The following ADGB variants were observed in gnomAD, a reference collection of about 807,000 sequenced individuals.
ADGB encodes the protein calpain-7-like protein.
In ADGB, 172 loss-of-function variants were observed where a neutral mutation model predicts 210.5. That is an observed-to-expected ratio of 0.82 (90% confidence interval 0.72 to 0.93). The LOEUF (loss-of-function observed/expected upper bound fraction) is 0.93. Ranked by LOEUF, ADGB falls within the 40% of genes least tolerant of loss-of-function variation. The pLI, the probability that ADGB is intolerant of heterozygous loss-of-function variation, is 0.00. For missense variants in ADGB, 2,025 were observed against 1,964.8 expected, an observed-to-expected ratio of 1.03 and a Z score of -0.58; for synonymous variants, 658 against 662.7, an observed-to-expected ratio of 0.99 and a Z score of 0.11.
In ADGB at chr6:146,801,894, G is replaced by C. The variant is rs777377861; in HGVS notation, c.4701G>C (p.Ala1567=). 3 of 1,550,772 alleles carry C rather than the reference G, an allele frequency of 1.9e-6. No individual in the cohort carries two copies. Among genetic ancestry groups the C allele is most frequent in the Non-Finnish European group, 2.6e-6 (3 of 1,146,646 alleles). ...ATCAGCAGCAGGCAATGCAAAAGGCGGAAGAAATTCATCAGTTTCGACAGC... is the reference window on the plus strand; with the variant it reads ...ATCAGCAGCAGGCAATGCAAAAGGCCGAAGAAATTCATCAGTTTCGACAGC... ...ELNQQQAMQK[A]EEIHQFRQHR... Residue 1567 remains alanine, a synonymous_variant, in exon 35 of 36, where the codon GCG becomes GCC. Coordinates refer to ENST00000397944, the MANE Select transcript of ADGB (RefSeq NM_024694.4).
rs139575236 is a variant in ADGB at position 146,773,256 on chromosome 6, TAGA to T, written c.3862+4133_3862+4135del. On this transcript the variant is annotated intron_variant, in intron 29 of 35. Coordinates refer to ENST00000397944, the MANE Select transcript of ADGB (RefSeq NM_024694.4). ...CTCTCTTCAAAAATACATAAATGCGTAGAAGAAGAAAAGGCATACATAGAGAAA... is the reference window on the plus strand; with the variant it reads ...CTCTCTTCAAAAATACATAAATGCGTAGAAGAAAAGGCATACATAGAGAAA... 6.0e-3 allele frequency among the ~76,000 whole-genome samples: 886 copies of T among 148,318 alleles called. 4 individuals carry two copies. Among genetic ancestry groups the T allele is most frequent in the African/African-American group, 0.018 (754 of 40,900 alleles).
In ADGB at chr6:146,801,932, T is replaced by G. The variant is rs756546761; in HGVS notation, c.4739T>G (p.Val1580Gly). Residue 1580 changes from valine (V) to glycine (G), a missense_variant, in exon 35 of 36, where the codon GTC becomes GGC. Coordinates refer to ENST00000397944, the MANE Select transcript of ADGB (RefSeq NM_024694.4). The stretch of plus-strand genomic sequence containing the variant: ...CAGTTTCGACAGCATAGGACCAGAG[T>G]CCTTAGCATTCGAAACATTGACCAA... Reference protein sequence around the residue: ...IHQFRQHRTRVLSIRNIDQEE... With the variant: ...IHQFRQHRTRGLSIRNIDQEE... 6.4e-7 allele frequency: 1 copy of G among 1,550,694 alleles called. No homozygotes were observed. Among genetic ancestry groups the G allele is most frequent in the South Asian group, 1.2e-5 (1 of 83,854 alleles).
At chr6:146,731,427 G>A (rs1167829921) in intron 20 of ADGB, among the ~76,000 whole-genome samples, 2 of 150,922 alleles carry the variant, frequency 1.3e-5, no homozygotes, top group South Asian at 2.1e-4. Flanking sequence ...TTCAACACCT[G>A]TCTCCTCTAC....
At chr6:146,680,587 C>T (rs1776144255) in intron 9 of ADGB, among the ~76,000 whole-genome samples, 1 of 152,096 alleles carries the variant, frequency 6.6e-6, no homozygotes, top group Admixed American at 6.6e-5. Flanking sequence ...AGATCTCCCT[C>T]ATACAGCAAA....
intron 27 of ADGB, among the ~76,000 whole-genome samples, chr6:146,760,020 T>C (rs1257104185): frequency 1.3e-5 from 2 of 151,866 alleles, no homozygotes; most frequent in African/African-American, 2.4e-5. Context: ...CTTTTACCTA[T>C]GTGTTTCTAA....
intron 35 of ADGB, among the ~76,000 whole-genome samples, chr6:146,804,193 A>G (rs1778176385): frequency 6.6e-6 from 1 of 152,176 alleles, no homozygotes; most frequent in Non-Finnish European, 1.5e-5. Context: ...AGAAAAGGGG[A>G]AATTCAATAA....
intron 29 of ADGB, among the ~76,000 whole-genome samples, chr6:146,777,861 T>G (rs1410983467): frequency 6.6e-6 from 1 of 152,192 alleles, no homozygotes; most frequent in Non-Finnish European, 1.5e-5. Context: ...ACTGCAGATT[T>G]CTGTGCCCCT....
At chr6:146,813,911 G>A (rs1240967762) in intron 35 of ADGB, among the ~76,000 whole-genome samples, 1 of 152,120 alleles carries the variant, frequency 6.6e-6, no homozygotes, top group Non-Finnish European at 1.5e-5. Context: ...TAAAAGAAAC[G>A]TGAACATTTT....
At chr6:146,599,971 C>T (rs1780528797) in intron 1 of ADGB, among the ~76,000 whole-genome samples, 1 of 152,146 alleles carries the variant, frequency 6.6e-6, no homozygotes, top group African/African-American at 2.4e-5. Flanking sequence ...TTCTTACATC[C>T]TTGATGCCTG....
At position 146,736,505 on chromosome 6, in the gene ADGB, A is replaced by G; in HGVS notation, c.2802A>G (p.Lys934=). 1 of 1,527,330 alleles carries G rather than the reference A, an allele frequency of 6.5e-7. No homozygotes were observed. Among genetic ancestry groups the G allele is most frequent in the Non-Finnish European group, 8.8e-7 (1 of 1,135,124 alleles). The allele number at this position is 1,527,330 out of a possible 1,614,324, so 94.6% of individuals were successfully genotyped here. A position where few individuals can be genotyped will look rare whatever the true frequency, so the allele number is the denominator to read the frequency against. The change falls in exon 23 of 36, where the codon AAA becomes AAG. Residue 934 remains lysine, a synonymous_variant. Coordinates refer to ENST00000397944, the MANE Select transcript of ADGB (RefSeq NM_024694.4). ...ATTTATTATTATTTTTAGACACAAAAGAAAATATCAGTGTTGCAGATACTC... is the reference window on the plus strand; with the variant it reads ...ATTTATTATTATTTTTAGACACAAAGGAAAATATCAGTGTTGCAGATACTC... The part of the protein sequence containing the change: ...LLMKARIPDT[K]ENISVADTLQ...
chr6:146,649,992 C>G (rs117760131), intron 3 of ADGB, among the ~76,000 whole-genome samples: 2,436 of 152,228 alleles, frequency 0.016, 29 homozygotes, highest in Middle Eastern at 0.058. Context: ...TACACACACA[C>G]AAAGATCCAA....
At chr6:146,690,981 A>T in intron 10 of ADGB, 135 bp from the exon 11 acceptor site, 1 of 523,818 alleles carries the variant, frequency 1.9e-6, no homozygotes, top group Non-Finnish European at 3.1e-6. Context: ...GCTTATATTA[A>T]GAGAGGTAGA....
chr6:146,709,715 C>A (rs1447608752), intron 13 of ADGB, among the ~76,000 whole-genome samples: 1 of 152,130 alleles, frequency 6.6e-6, no homozygotes, highest in Non-Finnish European at 1.5e-5. Context: ...CTGGTCCAGC[C>A]TGTGTTTAGG....
At chr6:146,807,264 C>T (rs1778225571) in intron 35 of ADGB, 5 of 809,082 alleles carry the variant, frequency 6.2e-6, no homozygotes, top group Non-Finnish European at 9.7e-6. Context: ...TGAGACCATA[C>T]ACTAATTTTC....
At chr6:146,801,401 CA>C in intron 34 of ADGB, 122 bp downstream of exon 34, 1 of 524,482 alleles carries the variant, frequency 1.9e-6, no homozygotes. Context: ...AGATGAGCTA[CA>C]AAAAATTTCT....
intron 1 of ADGB, among the ~76,000 whole-genome samples, chr6:146,608,727 C>T (rs558059553): frequency 1.3e-5 from 2 of 152,010 alleles, no homozygotes; most frequent in Admixed American, 6.5e-5. Context: ...CACTGTGGTC[C>T]AAGAGTGATT....
rs577852956 is a variant in ADGB, at chr6:146,783,701, T to C, written c.4036-917T>C. 5.3e-5 allele frequency among the ~76,000 whole-genome samples: 8 copies of C among 152,260 alleles called. No homozygotes were observed. In the South Asian group the frequency reaches 8.3e-4, roughly 16 times the overall value. On this transcript the variant is annotated intron_variant, in intron 30 of 35. Transcript: ENST00000397944. ...GTATTCAGTGATTATATCAATCCAC[T>C]CTTCCCAGCTGCATTATTTATCAGT...
chr6:146,712,068 A>G (rs932850905), intron 13 of ADGB, among the ~76,000 whole-genome samples: 3 of 150,306 alleles, frequency 2.0e-5, no homozygotes, highest in Non-Finnish European at 4.5e-5. Flanking sequence ...AAAAAAAAAA[A>G]TGACATTCTG....
intron 35 of ADGB, among the ~76,000 whole-genome samples, chr6:146,804,682 A>T (rs1778184913): frequency 6.6e-6 from 1 of 152,142 alleles, no homozygotes; most frequent in South Asian, 2.1e-4. Context: ...TATTCAGAGG[A>T]TTGCTATAGC....
Sources: allele counts gnomAD v4.1 joint callset (sites outside exome capture counted in the v4.1 genomes callset), GRCh38; gene constraint gnomAD v4.1.1; transcripts MANE v1.5; gene names NCBI Gene and HGNC (gene_info 2026-07-23, HGNC 2026-07-21).